Variants in SOX3 observed in about 807,000 individuals in gnomAD.
SOX3 encodes transcription factor SOX-3.
Under a neutral mutation model 4.6 loss-of-function variants are expected in SOX3, and 2 were observed. That is an observed-to-expected ratio of 0.43 (90% CI 0.18 to 1.36). SOX3 has a LOEUF of 1.36. Ranked by LOEUF, SOX3 falls within the 40% of genes most tolerant of loss-of-function variation. The probability of loss-of-function intolerance (pLI) is 0.28; values close to 1 mark genes in which losing one functional copy is unlikely to be tolerated. For synonymous variants in SOX3, 244 were observed against 215.9 expected (o/e 1.13, Z -1.14); for missense variants, 326 against 441.9 (o/e 0.74, Z 2.35).
rs201949579 is a variant in SOX3 at position 140,504,974 on chromosome X, G to C, written c.87C>G (p.Pro29=). Residue 29 remains proline, a synonymous_variant, in exon 1 of 1, where the codon CCC becomes CCG. Transcript: ENST00000370536. ...DLARSILISL[P]FPPDSLAHRP... Reference sequence around the variant, plus strand: ...TGTGGGCCAGCGAGTCCGGCGGGAAGGGTAGGCTTATCAAAATGCTCCGCG... The same window carrying C: ...TGTGGGCCAGCGAGTCCGGCGGGAACGGTAGGCTTATCAAAATGCTCCGCG... 34 of 1,207,212 alleles carry C rather than the reference G, an allele frequency of 2.8e-5. No individual in the cohort carries two copies. In the Admixed American group the frequency reaches 7.4e-4, roughly 26 times the overall value.
Position 140,503,882 on chromosome X carries a change from G to A in SOX3, c.1179C>T (p.Cys393=). ...PAIASHSQRA[C]LGDLRDMISM... ...TGATCATGTCGCGCAGGTCGCCGAG[G>A]CACGCGCGCTGAGAGTGCGATGCGA... The change falls in exon 1 of 1, where the codon TGC becomes TGT. Residue 393 remains cysteine, a synonymous_variant. Coordinates refer to ENST00000370536, the MANE Select transcript of SOX3 (RefSeq NM_005634.3). 1 of 1,188,018 alleles carries A rather than the reference G, an allele frequency of 8.4e-7. No homozygotes were observed. Among genetic ancestry groups the A allele is most frequent in the Non-Finnish European group, 1.1e-6 (1 of 890,184 alleles).
rs1056697288 is a variant in SOX3, at chrX:140,505,002, A to G, written c.59T>C (p.Leu20Ser). The G allele has an allele frequency of 8.3e-7, 1 of 1,207,798 alleles. No individual in the cohort carries two copies. The highest frequency in any genetic ancestry group is 1.7e-5 in the African/African-American group (1 of 57,238). Residue 20 changes from leucine to serine, a missense_variant, in exon 1 of 1, where the codon TTG becomes TCG. By Grantham distance (145) the Leu-to-Ser change is moderately radical. Transcript: ENST00000370536. The part of the protein sequence containing the change: ...GARSPRVPAD[L>S]ARSILISLPF... ...TAGGCTTATCAAAATGCTCCGCGCC[A>G]AATCAGCAGGAACCCGCGGGCTTCT...
rs1569512307 is a variant in SOX3 at position 140,504,843 on chromosome X, G to A, written c.218C>T (p.Ala73Val). Residue 73 changes from alanine (A) to valine (V), a missense_variant, in exon 1 of 1, where the codon GCC becomes GTC. Physicochemically the swap from Ala to Val is moderately conservative, Grantham distance 64. Around this residue, in one of 6 missense-constraint regions of SOX3, gnomAD observed 64 missense variants for 83.8 expected, o/e 0.76. Transcript: ENST00000370536. ...PPATLAHLLP[A>V]PAMYSLLETE... is the part of the protein sequence containing the mutation. The stretch of plus-strand genomic sequence containing the variant: ...CTCCAGAAGGCTGTACATTGCCGGG[G>A]CGGGAAGAAGGTGCGCCAGCGTGGC... The A allele has an allele frequency of 9.4e-6, 11 of 1,174,625 alleles. No homozygotes were observed. The highest frequency in any genetic ancestry group is 1.0e-5 in the Non-Finnish European group (9 of 876,715).
Position 140,504,779 on chromosome X carries a change from C to G in SOX3, c.282G>C (p.Ala94=). ...GGGCTGCGGGGCCGCCGGTGCCCGC[C>G]GCTTGTGTGGGTGTCCCTACGGGGT... The part of the protein sequence containing the change: ...LKNPVGTPTQ[A]AGTGGPAAPG... Residue 94 remains alanine (A), a synonymous_variant, in exon 1 of 1, where the codon GCG becomes GCC. Coordinates refer to ENST00000370536, the MANE Select transcript of SOX3 (RefSeq NM_005634.3). 1 of 1,173,166 alleles carries G rather than the reference C, an allele frequency of 8.5e-7. No individual in the cohort carries two copies. The highest frequency in any genetic ancestry group is 1.1e-6 in the Non-Finnish European group (1 of 877,599).
In SOX3 at chrX:140,503,920, G is replaced by A. The variant is rs1296764994; in HGVS notation, c.1141C>T (p.Pro381Ser). ...GSVVKSEPSSPPPAIASHSQR... is the reference protein window; with the variant it reads ...GSVVKSEPSSSPPAIASHSQR... The stretch of plus-strand genomic sequence containing the variant: ...GAGTGCGATGCGATGGCGGGCGGCG[G>A]CGAGCTGGGCTCAGACTTCACTACC... The change falls in exon 1 of 1, where the codon CCG becomes TCG. Residue 381 changes from proline to serine, a missense_variant. Pro to Ser is a moderately conservative substitution (Grantham distance 74). This residue lies in a region of SOX3 where 64 missense variants were observed against 104.5 expected (regional missense o/e 0.61). Transcript: ENST00000370536. 1.7e-6 allele frequency: 2 copies of A among 1,182,430 alleles called. No homozygotes were observed. The highest frequency in any genetic ancestry group is 3.7e-5 in the South Asian group (2 of 54,290).
rs753826550 is a variant in SOX3, at chrX:140,505,064, C to T, written c.-4G>A. On this transcript the variant is annotated 5_prime_UTR_variant, in exon 1 of 1. In the 5' UTR this introduces an upstream ATG that the reference lacks. Coordinates refer to ENST00000370536, the MANE Select transcript of SOX3 (RefSeq NM_005634.3). ...AGTTCTCTCGAACAGGTCGCATTCA[C>T]AGTCTGCCTGGGCTCTAGCTGGGCC... 6.7e-6 allele frequency: 8 copies of T among 1,200,999 alleles called. 1 individual carries two copies. The African/African-American group carries it at 1.1e-4, about 16-fold the overall frequency.
Position 140,504,014 on chromosome X carries a change from C to A in SOX3, c.1047G>T (p.Gly349=). The change falls in exon 1 of 1, where the codon GGG becomes GGT. Residue 349 remains glycine (G), a synonymous_variant. Transcript: ENST00000370536. ...CGGCCGCGGCGGTGGCGGGCTGCTGCCCGTAGGCGGCGGCCGCGGCTGCTG... is the reference window on the plus strand; with the variant it reads ...CGGCCGCGGCGGTGGCGGGCTGCTGACCGTAGGCGGCGGCCGCGGCTGCTG... The part of the protein sequence containing the change: ...SATAAAAAAY[G]QQPATAAAAA... 1.0e-6 allele frequency: 1 copy of A among 975,395 alleles called. No homozygotes were observed. The highest frequency in any genetic ancestry group is 1.3e-6 in the Non-Finnish European group (1 of 779,147). 80.4% of individuals were successfully genotyped at this position (975,395 alleles called of 1,213,427 possible). A position where few individuals can be genotyped will look rare whatever the true frequency, so the allele number is the denominator to read the frequency against.
chrX:140,504,536 G>A lies in SOX3; in HGVS notation c.525C>T (p.Ala175=). The A allele has an allele frequency of 8.2e-7, 1 of 1,212,223 alleles. No homozygotes were observed. The highest frequency in any genetic ancestry group is 1.1e-6 in the Non-Finnish European group (1 of 895,589). Residue 175 remains alanine, a synonymous_variant, in exon 1 of 1, where the codon GCC becomes GCT. Transcript: ENST00000370536. The part of the protein sequence containing the change: ...HNSEISKRLG[A]DWKLLTDAEK... ...CGGCGTCGGTCAGCAGTTTCCAGTCGGCGCCCAAGCGCTTGCTGATCTCAG... is the reference window on the plus strand; with the variant it reads ...CGGCGTCGGTCAGCAGTTTCCAGTCAGCGCCCAAGCGCTTGCTGATCTCAG...
In SOX3 at chrX:140,503,976, G is replaced by A. The variant is rs1927309761; in HGVS notation, c.1085C>T (p.Ala362Val). ...PATAAAAAAA[A>V]AAMSLGPMGS... is the part of the protein sequence containing the mutation. ...CATGGGGCCCAGGCTCATGGCGGCT[G>A]CGGCCGCAGCTGCGGCCGCGGCGGT... The change falls in exon 1 of 1, where the codon GCA becomes GTA. Residue 362 changes from alanine to valine, a missense_variant. Transcript: ENST00000370536. 1.9e-6 allele frequency: 2 copies of A among 1,043,001 alleles called. No individual in the cohort carries two copies. Among genetic ancestry groups the A allele is most frequent in the South Asian group, 2.9e-5 (1 of 34,108 alleles). The allele number at this position is 1,043,001 out of a possible 1,213,427, so 86.0% of individuals were successfully genotyped here.
Position 140,504,127 on chromosome X carries a change from T to C in SOX3, c.934A>G (p.Met312Val), listed in dbSNP as rs770945462. 3.4e-5 allele frequency: 35 copies of C among 1,027,987 alleles called. No homozygotes were observed. Among genetic ancestry groups the C allele is most frequent in the Middle Eastern group, 2.7e-4 (1 of 3,758 alleles). The allele number at this position is 1,027,987 out of a possible 1,213,427, so 84.7% of individuals were successfully genotyped here. ...TAGCTCTGAGCGCCGGGCGGCATCA[T>C]TGGGCTGTACTGCAGGCCGGCCATG... is the stretch of plus-strand genomic sequence containing the variant. The part of the protein sequence containing the change: ...YDMAGLQYSP[M>V]MPPGAQSYMN... The change falls in exon 1 of 1, where the codon ATG becomes GTG. Residue 312 changes from methionine to valine, a missense_variant. Met to Val is a conservative substitution (Grantham distance 21). Transcript: ENST00000370536.
At position 140,502,996 on chromosome X, in the gene SOX3, A is replaced by G. The variant is rs1439678013; in HGVS notation, c.*724T>C. 1 of 111,323 alleles carries G rather than the reference A, an allele frequency of 9.0e-6. No homozygotes were observed. The highest frequency in any genetic ancestry group is 3.3e-5 in the African/African-American group (1 of 30,553). 9.2% of individuals were successfully genotyped at this position (111,323 alleles called of 1,213,427 possible). On this transcript the variant is annotated 3_prime_UTR_variant, in exon 1 of 1. Coordinates refer to ENST00000370536, the MANE Select transcript of SOX3 (RefSeq NM_005634.3). ...AGGACTCCATCATGTTGGTTATAAA[A>G]TTTATTGATCTCATTTAGGAATTAA...
In SOX3 at chrX:140,504,713, G is replaced by T. The variant is rs1245987103; in HGVS notation, c.348C>A (p.Gly116=). 1 of 1,199,178 alleles carries T rather than the reference G, an allele frequency of 8.3e-7. No individual in the cohort carries two copies. Among genetic ancestry groups the T allele is most frequent in the African/African-American group, 1.7e-5 (1 of 57,197 alleles). ...CGCTGCTGCCGCCGCCCGAGTTCGC[G>T]CCGCCGGCTGCGTTCGCACTACTCT... The part of the protein sequence containing the change: ...AGKSSANAAG[G]ANSGGGSSGG... Residue 116 remains glycine, a synonymous_variant, in exon 1 of 1, where the codon GGC becomes GGA. Coordinates refer to ENST00000370536, the MANE Select transcript of SOX3 (RefSeq NM_005634.3).
rs1196436371 is a variant in SOX3 at position 140,504,344 on chromosome X, G to A, written c.717C>T (p.Ala239=). 6 of 1,103,030 alleles carry A rather than the reference G, an allele frequency of 5.4e-6. No individual in the cohort carries two copies. The highest frequency in any genetic ancestry group is 2.4e-5 in the South Asian group (1 of 41,296). The allele number at this position is 1,103,030 out of a possible 1,213,427, so 90.9% of individuals were successfully genotyped here. A position where few individuals can be genotyped will look rare whatever the true frequency, so the allele number is the denominator to read the frequency against. The change falls in exon 1 of 1, where the codon GCC becomes GCT. Residue 239 remains alanine, a synonymous_variant. Coordinates refer to ENST00000370536, the MANE Select transcript of SOX3 (RefSeq NM_005634.3). ...CGGCAGCGGCTGCGGCCGCGGCAGC[G>A]GCGGCGGCGGCCGCGGCACCGGGAG... ...LLPPGAAAAA[A]AAAAAAAAAS... is the part of the protein sequence containing the mutation.
rs112180170 is a variant in SOX3, at chrX:140,505,047, C to G, written c.14G>C (p.Arg5Pro). MRPV[R>P]ENSSGARSPR... is the part of the protein sequence containing the mutation. The stretch of plus-strand genomic sequence containing the variant: ...GCTTCTCGCACCTGATGAGTTCTCT[C>G]GAACAGGTCGCATTCACAGTCTGCC... Residue 5 changes from arginine (R) to proline (P), a missense_variant, in exon 1 of 1, where the codon CGA becomes CCA. Transcript: ENST00000370536. 4.4e-5 allele frequency: 53 copies of G among 1,203,951 alleles called. No individual in the cohort carries two copies. Among genetic ancestry groups the G allele is most frequent in the Admixed American group, 1.5e-4 (7 of 45,568 alleles).
rs951192991 is a variant in SOX3 at position 140,503,358 on chromosome X, G to T, written c.*362C>A. On this transcript the variant is annotated 3_prime_UTR_variant, in exon 1 of 1. Coordinates refer to ENST00000370536, the MANE Select transcript of SOX3 (RefSeq NM_005634.3). ...CTATGTTTCTCCCATTCACTCCTTG[G>T]CTAACTGCAAACTAACAAGACAACA... The T allele has an allele frequency of 1.3e-5, 2 of 149,507 alleles. No homozygotes were observed. The highest frequency in any genetic ancestry group is 6.2e-5 in the African/African-American group (2 of 32,181). 12.3% of individuals were successfully genotyped at this position (149,507 alleles called of 1,213,427 possible). A position where few individuals can be genotyped will look rare whatever the true frequency, so the allele number is the denominator to read the frequency against.
At position 140,504,002 on chromosome X, in the gene SOX3, G is replaced by T; in HGVS notation, c.1059C>A (p.Ala353=). Residue 353 remains alanine (A), a synonymous_variant, in exon 1 of 1, where the codon GCC becomes GCA. Transcript: ENST00000370536. ...AAAAAYGQQP[A]TAAAAAAAAA... ...CGGCCGCAGCTGCGGCCGCGGCGGTGGCGGGCTGCTGCCCGTAGGCGGCGG... is the reference window on the plus strand; with the variant it reads ...CGGCCGCAGCTGCGGCCGCGGCGGTTGCGGGCTGCTGCCCGTAGGCGGCGG... The T allele has an allele frequency of 1.0e-6, 1 of 992,098 alleles. No individual in the cohort carries two copies. The highest frequency in any genetic ancestry group is 1.3e-6 in the Non-Finnish European group (1 of 788,132). 81.8% of individuals were successfully genotyped at this position (992,098 alleles called of 1,213,427 possible). A position where few individuals can be genotyped will look rare whatever the true frequency, so the allele number is the denominator to read the frequency against.
In SOX3 at chrX:140,504,110, A is replaced by G. The variant is rs1927315182; in HGVS notation, c.951T>C (p.Ala317=). Residue 317 remains alanine (A), a synonymous_variant, in exon 1 of 1, where the codon GCT becomes GCC. Coordinates refer to ENST00000370536, the MANE Select transcript of SOX3 (RefSeq NM_005634.3). ...LQYSPMMPPG[A]QSYMNVAAAA... ...CGGCAGCGACGTTCATGTAGCTCTGAGCGCCGGGCGGCATCATTGGGCTGT... is the reference window on the plus strand; with the variant it reads ...CGGCAGCGACGTTCATGTAGCTCTGGGCGCCGGGCGGCATCATTGGGCTGT... The G allele has an allele frequency of 2.0e-6, 2 of 1,018,757 alleles. No homozygotes were observed. Among genetic ancestry groups the G allele is most frequent in the Admixed American group, 4.0e-5 (1 of 25,184 alleles). 84.0% of individuals were successfully genotyped at this position (1,018,757 alleles called of 1,213,427 possible).
chrX:140,504,317 GGCGGCAGCGGCTGCGGCC>G lies in SOX3; in HGVS notation c.726_743del (p.Ala243_Ala248del), dbSNP rs755923910. 229 of 1,052,924 alleles carry G rather than the reference GGCGGCAGCGGCTGCGGCC, an allele frequency of 2.2e-4. 8 individuals are homozygous for G. Among genetic ancestry groups the G allele is most frequent in the Admixed American group, 1.9e-3 (39 of 20,681 alleles). 86.8% of individuals were successfully genotyped at this position (1,052,924 alleles called of 1,213,427 possible). A position where few individuals can be genotyped will look rare whatever the true frequency, so the allele number is the denominator to read the frequency against. ...GCTGGCCCACGCCCACCGGACTGCT[GGCGGCAGCGGCTGCGGCC>G]GCGGCAGCGGCGGCGGCGGCCGCGG... On this transcript the variant is annotated inframe_deletion, in exon 1 of 1. Coordinates refer to ENST00000370536, the MANE Select transcript of SOX3 (RefSeq NM_005634.3).
At position 140,504,941 on chromosome X, in the gene SOX3, TG is replaced by T; in HGVS notation, c.119del (p.Pro40GlnfsTer49). 8.3e-7 allele frequency: 1 copy of T among 1,202,523 alleles called. No individual in the cohort carries two copies. Among genetic ancestry groups the T allele is most frequent in the Non-Finnish European group, 1.1e-6 (1 of 891,361 alleles). On this transcript the variant is annotated frameshift_variant, in exon 1 of 1. Coordinates refer to ENST00000370536, the MANE Select transcript of SOX3 (RefSeq NM_005634.3). LOFTEE classifies it high-confidence loss of function. ...CCTGGGACTCCGTCGGAGCGGAGCT[TG>T]GGGGCCTGTGGGCCAGCGAGTCCGG... Reference protein sequence around the residue: ...FPPDSLAHRPPSSAPTESQGL... With the variant: ...FPPDSLAHRPXSSAPTESQGL...
Sources: gnomAD v4.1 joint callset for allele counts on GRCh38, gnomAD v4.1.1 for gene constraint, gnomAD v4.1.1 regional missense constraint, MANE v1.5 for transcripts, NCBI Gene and HGNC (gene_info 2026-07-23, HGNC 2026-07-21) for gene names.